MTDH: variants seen among roughly 807,000 people sequenced by gnomAD.
The protein encoded by MTDH is protein LYRIC.
In MTDH, 34 loss-of-function variants were observed where a neutral mutation model predicts 72.7. The ratio of observed to expected loss-of-function variants is 0.47; its 90% CI spans 0.36 to 0.62. The LOEUF (loss-of-function observed/expected upper bound fraction) is 0.62, where lower values mean the gene tolerates loss of function less well. MTDH is among the 20% of genes least tolerant of loss of function. The pLI, the probability that MTDH is intolerant of heterozygous loss-of-function variation, is 0.00. For synonymous variants in MTDH, 266 were observed against 268.9 expected, an observed-to-expected ratio of 0.99 and a Z score of 0.10; for missense variants, 677 against 699.4, an observed-to-expected ratio of 0.97 and a Z score of 0.36.
At chr8:97,685,617 A>G (rs914051414) in intron 2 of MTDH, among the ~76,000 whole-genome samples, 4 of 152,006 alleles carry the variant, frequency 2.6e-5, no homozygotes, top group African/African-American at 4.8e-5. Flanking sequence ...AAAATTAGCC[A>G]GGCATGGTGG....
At chr8:97,709,340 T>C (rs1814524378) in intron 8 of MTDH, among the ~76,000 whole-genome samples, 1 of 148,370 alleles carries the variant, frequency 6.7e-6, no homozygotes, top group African/African-American at 2.5e-5. Flanking sequence ...TTCTTAGAAG[T>C]ACAATATCGT....
At chr8:97,672,017 C>T (rs1812644068) in intron 2 of MTDH, among the ~76,000 whole-genome samples, 1 of 151,920 alleles carries the variant, frequency 6.6e-6, no homozygotes, top group Admixed American at 6.6e-5. Flanking sequence ...GCTAAAACAG[C>T]TCTTAGCAAA....
intron 7 of MTDH, 180 bp from the exon 8 acceptor site, chr8:97,706,446 C>A (rs1814354880): frequency 2.3e-6 from 1 of 428,216 alleles, no homozygotes; most frequent in South Asian, 5.9e-5. Context: ...ATATGCTTAG[C>A]AGAAATTGAA....
At chr8:97,677,490 C>CA (rs934211630) in intron 2 of MTDH, among the ~76,000 whole-genome samples, 982 of 76,966 alleles carry the variant, frequency 0.013, 4 homozygotes, top group African/African-American at 0.032. Context: ...GACTCCATCT[C>CA]AAAAAAAAAA....
At chr8:97,675,559 C>CAAAA (rs869166884) in intron 2 of MTDH, among the ~76,000 whole-genome samples, 3 of 50,970 alleles carry the variant, frequency 5.9e-5, no homozygotes, top group African/African-American at 5.5e-5. Flanking sequence ...GACTCTGTCT[C>CAAAA]AAAAAAAAAA....
intron 8 of MTDH, among the ~76,000 whole-genome samples, chr8:97,711,388 G>A (rs1021920799): frequency 6.6e-6 from 1 of 151,302 alleles, no homozygotes; most frequent in Non-Finnish European, 1.5e-5. Flanking sequence ...TCCTCAGGTG[G>A]CTAAGGCAAG....
chr8:97,692,360 A>G (rs920298783), intron 6 of MTDH, among the ~76,000 whole-genome samples: 2 of 151,774 alleles, frequency 1.3e-5, no homozygotes, highest in Non-Finnish European at 2.9e-5. Flanking sequence ...TTCCCATATT[A>G]TTCAAGAAGT....
At chr8:97,660,831 G>A (rs1022238680) in intron 1 of MTDH, among the ~76,000 whole-genome samples, 5 of 152,046 alleles carry the variant, frequency 3.3e-5, no homozygotes, top group Non-Finnish European at 7.4e-5. Flanking sequence ...TAGAGGGACT[G>A]ATACCTTGGT....
intron 1 of MTDH, among the ~76,000 whole-genome samples, chr8:97,648,951 C>G (rs1355241842): frequency 1.3e-5 from 2 of 152,214 alleles, no homozygotes; most frequent in Middle Eastern, 3.4e-3. Flanking sequence ...TGGCTGTTTG[C>G]CTCATCTGGC....
At chr8:97,687,725 ACCCTT>A in intron 4 of MTDH, 120 bp downstream of exon 4, 2 of 826,112 alleles carry the variant, frequency 2.4e-6, no homozygotes, top group East Asian at 5.7e-5. Context: ...GTGCTGATAT[ACCCTT>A]CTTCATGAGA....
chr8:97,659,182 A>G (rs1812089360), intron 1 of MTDH, among the ~76,000 whole-genome samples: 1 of 151,760 alleles, frequency 6.6e-6, no homozygotes, highest in Admixed American at 6.6e-5. Context: ...GTAAAATTAA[A>G]CAAAGTTTTG....
intron 7 of MTDH, among the ~76,000 whole-genome samples, chr8:97,703,169 A>G (rs1814206598): frequency 6.6e-6 from 1 of 152,136 alleles, no homozygotes; most frequent in South Asian, 2.1e-4. Context: ...GTTCAAGACC[A>G]GCCTAGGCAG....
chr8:97,686,718 C>G lies in MTDH; in HGVS notation c.534C>G (p.Asn178Lys). 6.3e-7 allele frequency: 1 copy of G among 1,595,064 alleles called. No homozygotes were observed. The highest frequency in any genetic ancestry group is 2.3e-5 in the East Asian group (1 of 43,880). Residue 178 changes from asparagine (N) to lysine (K), a missense_variant, in exon 3 of 12, where the codon AAC becomes AAG. Physicochemically the swap from Asn to Lys is moderately conservative, Grantham distance 94 (BLOSUM62 0). Transcript: ENST00000336273. ...AGTCAGATGCTAAAGCAGTGCAAAA[C>G]AGTTCACGCCATGATGGAAAGGAAG... is the stretch of plus-strand genomic sequence containing the variant. ...KSKSDAKAVQ[N>K]SSRHDGKEVD...
At chr8:97,702,244 A>C (rs1814161814) in intron 7 of MTDH, among the ~76,000 whole-genome samples, 1 of 152,206 alleles carries the variant, frequency 6.6e-6, no homozygotes, top group Non-Finnish European at 1.5e-5. Context: ...CAGATGTTGA[A>C]TAGAACTTTT....
intron 2 of MTDH, among the ~76,000 whole-genome samples, chr8:97,685,470 C>T (rs1447915302): frequency 6.6e-6 from 1 of 152,124 alleles, no homozygotes; most frequent in African/African-American, 2.4e-5. Context: ...TCATTGCTTA[C>T]TCACTTGCTC....
chr8:97,651,844 A>G (rs1411887926), intron 1 of MTDH, among the ~76,000 whole-genome samples: 2 of 152,144 alleles, frequency 1.3e-5, no homozygotes, highest in Non-Finnish European at 2.9e-5. Flanking sequence ...AACAGAACCT[A>G]TTATTTCTTG....
At chr8:97,718,902 C>T in intron 9 of MTDH, 147 bp from the exon 10 acceptor site, 1 of 634,344 alleles carries the variant, frequency 1.6e-6, no homozygotes, top group South Asian at 2.1e-5. Flanking sequence ...CACCATGTTG[C>T]CCAGGCTGGT....
At chr8:97,657,232 G>A (rs547952574) in intron 1 of MTDH, among the ~76,000 whole-genome samples, 3 of 152,264 alleles carry the variant, frequency 2.0e-5, no homozygotes, top group Admixed American at 1.3e-4. Context: ...TCTACAAGGA[G>A]TTTATCCATC....
chr8:97,709,066 C>A (rs1814508706), intron 8 of MTDH, among the ~76,000 whole-genome samples: 1 of 151,976 alleles, frequency 6.6e-6, no homozygotes, highest in African/African-American at 2.4e-5. Flanking sequence ...TGGCGGGCAC[C>A]TGTAATCCCA....
Sources: gnomAD v4.1 joint callset for allele counts (sites outside exome capture counted in the v4.1 genomes callset) on GRCh38, gnomAD v4.1.1 for gene constraint, MANE v1.5 for transcripts, NCBI Gene and HGNC (gene_info 2026-07-23, HGNC 2026-07-21) for gene names.